ZNF418: variants seen among roughly 807,000 people sequenced by gnomAD.
ZNF418 encodes zinc finger protein 418.
In ZNF418, 32 loss-of-function variants were observed where a neutral mutation model predicts 32.0. The observed-to-expected ratio is 1.00, with a 90% CI of 0.75 to 1.34. ZNF418 has a LOEUF of 1.34. Among genes scored for constraint, ZNF418 ranks in the 40% most tolerant of loss-of-function variants. The probability of loss-of-function intolerance (pLI) is 0.00; values close to 1 mark genes in which losing one functional copy is unlikely to be tolerated. For missense variants in ZNF418, 804 were observed against 812.5 expected (o/e 0.99, Z 0.13); for synonymous variants, 276 against 270.7 (o/e 1.02, Z -0.19).
intron 2 of ZNF418, among the ~76,000 whole-genome samples, chr19:57,931,690 T>C (rs1424244968): frequency 6.6e-6 from 1 of 152,150 alleles, no homozygotes; most frequent in Admixed American, 6.5e-5. Context: ...TCAAACCCCT[T>C]AGCCCCAGGC....
intron 2 of ZNF418, chr19:57,932,392 G>A: frequency 6.6e-7 from 1 of 1,524,788 alleles, no homozygotes; most frequent in African/African-American, 1.4e-5. Flanking sequence ...ACAGAATTCA[G>A]AGTATGCTTG....
intron 2 of ZNF418, among the ~76,000 whole-genome samples, chr19:57,931,059 G>A (rs2072465285): frequency 6.6e-6 from 1 of 152,046 alleles, no homozygotes; most frequent in Non-Finnish European, 1.5e-5. Flanking sequence ...ATAGGCGTGA[G>A]CCACCGTGCC....
intron 4 of ZNF418, among the ~76,000 whole-genome samples, chr19:57,924,407 G>A (rs2072132736): frequency 6.6e-6 from 1 of 152,130 alleles, no homozygotes; most frequent in African/African-American, 2.4e-5. Context: ...AGCCGAGAAA[G>A]GGTACAGGAA....
At position 57,926,311 on chromosome 19, in the gene ZNF418, A is replaced by G. The variant is rs1198685047; in HGVS notation, c.1870T>C (p.Cys624Arg). The part of the protein sequence containing the change: ...TRGKPYECSE[C>R]GKSFAETFSL... ...AAGGTTTCAGCAAAGGATTTCCCAC[A>G]TTCGCTGCACTCGTAAGGCTTTCCT... is the stretch of plus-strand genomic sequence containing the variant. Residue 624 changes from cysteine to arginine, a missense_variant, in exon 4 of 6, where the codon TGT becomes CGT. Physicochemically the swap from Cys to Arg is radical, Grantham distance 180. This residue lies in a region of ZNF418 where 475 missense variants were observed against 458.6 expected (regional missense o/e 1.04). Coordinates refer to ENST00000396147, the MANE Select transcript of ZNF418 (RefSeq NM_133460.3). The G allele has an allele frequency of 1.9e-6, 3 of 1,612,170 alleles. No homozygotes were observed. The highest frequency in any genetic ancestry group is 2.2e-5 in the East Asian group (1 of 44,872).
intron 2 of ZNF418, among the ~76,000 whole-genome samples, chr19:57,933,462 C>T (rs1480011162): frequency 6.6e-6 from 1 of 152,172 alleles, no homozygotes; most frequent in Non-Finnish European, 1.5e-5. Context: ...GTGGCTCATG[C>T]CTGTAATCCC....
At position 57,925,997 on chromosome 19, in the gene ZNF418, TC is replaced by T. The variant is rs1339500956; in HGVS notation, c.*152del. 1.7e-5 allele frequency: 11 copies of T among 639,820 alleles called. No individual in the cohort carries two copies. The highest frequency in any genetic ancestry group is 5.4e-6 in the Non-Finnish European group (2 of 373,826). 39.6% of individuals were successfully genotyped at this position (639,820 alleles called of 1,614,324 possible). On this transcript the variant is annotated 3_prime_UTR_variant, in exon 4 of 6. Transcript: ENST00000396147. ...ACATTCATCGCACTCAAGAGGCCCT[TC>T]TGCAGTGGGAGCTCTTCTGTATGTA... is the stretch of plus-strand genomic sequence containing the variant.
Position 57,926,213 on chromosome 19 carries a change from A to G in ZNF418, c.1968T>C (p.Phe656=). ...GTCGAAGGAGAGAAGAGCTTCGATG[A>G]AATGATTTTCCACATTCACTGCACT... is the stretch of plus-strand genomic sequence containing the variant. The part of the protein sequence containing the change: ...PYECSECGKS[F]HRSSSLLRHQ... Residue 656 remains phenylalanine, a synonymous_variant, in exon 4 of 6, where the codon TTT becomes TTC. Coordinates refer to ENST00000396147, the MANE Select transcript of ZNF418 (RefSeq NM_133460.3). 1 of 1,614,108 alleles carries G rather than the reference A, an allele frequency of 6.2e-7. No individual in the cohort carries two copies. Among genetic ancestry groups the G allele is most frequent in the South Asian group, 1.1e-5 (1 of 91,090 alleles).
chr19:57,924,808 C>A (rs1032141262), intron 4 of ZNF418, among the ~76,000 whole-genome samples: 6 of 152,144 alleles, frequency 3.9e-5, no homozygotes, highest in African/African-American at 1.4e-4. Flanking sequence ...AAACACTGTT[C>A]CCTTCTCAGG....
chr19:57,934,969 C>T lies in ZNF418; in HGVS notation c.-81+192G>A, dbSNP rs540530129. 4.9e-5 allele frequency: 69 copies of T among 1,403,270 alleles called. No individual in the cohort carries two copies. The Admixed American group carries it at 1.2e-3, about 25-fold the overall frequency. The allele number at this position is 1,403,270 out of a possible 1,614,324, so 86.9% of individuals were successfully genotyped here. A position where few individuals can be genotyped will look rare whatever the true frequency, so the allele number is the denominator to read the frequency against. On this transcript the variant is annotated intron_variant, in intron 1 of 5. Coordinates refer to ENST00000396147, the MANE Select transcript of ZNF418 (RefSeq NM_133460.3). ...CGGGTCTGTCCTCCAGGCCATAGCC[C>T]GCGCCGGTCCCTGTGCCTGTCGCTC... is the stretch of plus-strand genomic sequence containing the variant.
Position 57,932,535 on chromosome 19 carries a change from T to C in ZNF418, c.6+1282A>G. Reference sequence around the variant, plus strand: ...ACAGAACCAGGTGGGGCTTTAGATATCCATGGCCCTATTCCACTTCTGTGT... The same window carrying C: ...ACAGAACCAGGTGGGGCTTTAGATACCCATGGCCCTATTCCACTTCTGTGT... On this transcript the variant is annotated intron_variant, in intron 2 of 5. Coordinates refer to ENST00000396147, the MANE Select transcript of ZNF418 (RefSeq NM_133460.3). 6.5e-6 allele frequency: 10 copies of C among 1,535,152 alleles called. 1 individual carries two copies. In the South Asian group the frequency reaches 1.2e-4, roughly 18 times the overall value.
chr19:57,927,492 C>A lies in ZNF418; in HGVS notation c.689G>T (p.Cys230Phe), dbSNP rs2072291244. ...GGATTTCCCACATTCCCAGCAATAA[C>A]ATTCCTCTCTAGAGGGAAGTCTCTG... ...QQQRLPSREECYCWECGKSFS... is the reference protein window; with the variant it reads ...QQQRLPSREEFYCWECGKSFS... The change falls in exon 4 of 6, where the codon TGT (cysteine) becomes TTT (phenylalanine). Residue 230 changes from cysteine (C) to phenylalanine (F), a missense_variant. Cys to Phe is a radical substitution (Grantham distance 205). Coordinates refer to ENST00000396147, the MANE Select transcript of ZNF418 (RefSeq NM_133460.3). 2.1e-5 allele frequency: 34 copies of A among 1,614,234 alleles called. No individual in the cohort carries two copies. Among genetic ancestry groups the A allele is most frequent in the Non-Finnish European group, 2.8e-5 (33 of 1,180,040 alleles).
In ZNF418 at chr19:57,927,228, T is replaced by C; in HGVS notation, c.953A>G (p.Glu318Gly). The part of the protein sequence containing the change: ...HTGERPYECG[E>G]CGKSFSQNGT... Reference sequence around the variant, plus strand: ...ATTTTGACTAAAAGATTTCCCACATTCTCCACACTCATAAGGTCTTTCTCC... The same window carrying C: ...ATTTTGACTAAAAGATTTCCCACATCCTCCACACTCATAAGGTCTTTCTCC... Residue 318 changes from glutamate to glycine, a missense_variant, in exon 4 of 6, where the codon GAA (glutamate) becomes GGA (glycine). Glu to Gly is a moderately conservative substitution (Grantham distance 98). Transcript: ENST00000396147. The C allele has an allele frequency of 6.2e-7, 1 of 1,614,186 alleles. No homozygotes were observed. Among genetic ancestry groups the C allele is most frequent in the Non-Finnish European group, 8.5e-7 (1 of 1,180,040 alleles).
At chr19:57,934,146 G>A in intron 1 of ZNF418, 2 of 1,302,154 alleles carry the variant, frequency 1.5e-6, no homozygotes, top group Non-Finnish European at 2.0e-6. Flanking sequence ...GCAAGTAAGA[G>A]TCCCAGGACA....
chr19:57,925,886 C>T lies in ZNF418; in HGVS notation c.*264G>A, dbSNP rs997157599. On this transcript the variant is annotated 3_prime_UTR_variant, in exon 4 of 6. Transcript: ENST00000396147. ...GCATCTCCTCCAGTGTTATGTTTTA[C>T]AAGAAATAATATTTCCTGTACGTGT... The T allele has an allele frequency of 2.3e-6, 1 of 427,106 alleles. No individual in the cohort carries two copies. The highest frequency in any genetic ancestry group is 2.0e-5 in the African/African-American group (1 of 50,878). 26.5% of individuals were successfully genotyped at this position (427,106 alleles called of 1,614,324 possible).
At position 57,926,072 on chromosome 19, in the gene ZNF418, TAA is replaced by T. The variant is rs1371922009; in HGVS notation, c.*76_*77del. 4.0e-6 allele frequency: 5 copies of T among 1,250,626 alleles called. No individual in the cohort carries two copies. Among genetic ancestry groups the T allele is most frequent in the Non-Finnish European group, 4.5e-6 (4 of 892,292 alleles). The allele number at this position is 1,250,626 out of a possible 1,614,324, so 77.5% of individuals were successfully genotyped here. A position where few individuals can be genotyped will look rare whatever the true frequency, so the allele number is the denominator to read the frequency against. On this transcript the variant is annotated 3_prime_UTR_variant, in exon 4 of 6. Coordinates refer to ENST00000396147, the MANE Select transcript of ZNF418 (RefSeq NM_133460.3). ...GAATATCCCACGTTTGTCACACTCA[TAA>T]GGTCCTGATCCAGTAAGAACCCTCT...
Position 57,926,601 on chromosome 19 carries a change from CGAA to C in ZNF418, c.1577_1579del (p.Leu526del), listed in dbSNP as rs878906163. The stretch of plus-strand genomic sequence containing the variant: ...TTCTCCAGTATGAACTCTCCGATGT[CGAA>C]GGAGGGAACAGCTTTGAGGAAATGA... On this transcript the variant is annotated inframe_deletion, in exon 4 of 6. Coordinates refer to ENST00000396147, the MANE Select transcript of ZNF418 (RefSeq NM_133460.3). 2.5e-6 allele frequency: 4 copies of C among 1,613,540 alleles called. No individual in the cohort carries two copies. Among genetic ancestry groups the C allele is most frequent in the Middle Eastern group, 1.6e-4 (1 of 6,078 alleles).
At chr19:57,934,484 G>A (rs1212754486) in intron 1 of ZNF418, among the ~76,000 whole-genome samples, 2 of 152,224 alleles carry the variant, frequency 1.3e-5, no homozygotes, top group Non-Finnish European at 2.9e-5. Context: ...CCAAAGTGCT[G>A]GGATTACAGG....
At chr19:57,923,441 T>C (rs1236890999) in intron 4 of ZNF418, among the ~76,000 whole-genome samples, 152 bp from the exon 5 acceptor site, 2 of 135,976 alleles carry the variant, frequency 1.5e-5, no homozygotes, top group Non-Finnish European at 3.4e-5. Context: ...TACACACACA[T>C]ACATATATAC....
chr19:57,928,563 G>A (rs1436258635), intron 3 of ZNF418, among the ~76,000 whole-genome samples: 1 of 152,086 alleles, frequency 6.6e-6, no homozygotes, highest in Non-Finnish European at 1.5e-5. Flanking sequence ...TGCACCTGCT[G>A]TATAACTCTT....
Sources: gnomAD v4.1 joint callset for allele counts (sites outside exome capture counted in the v4.1 genomes callset) on GRCh38, gnomAD v4.1.1 for gene constraint, gnomAD v4.1.1 regional missense constraint, MANE v1.5 for transcripts, NCBI Gene and HGNC (gene_info 2026-07-23, HGNC 2026-07-21) for gene names.